The following FARS2 variants were observed in gnomAD, a reference collection of about 807,000 sequenced individuals.
FARS2 encodes the protein phenylalanyl-tRNA synthetase 2, mitochondrial.
In FARS2, 40 loss-of-function variants were observed where a neutral mutation model predicts 46.4. The observed-to-expected ratio is 0.86, with a 90% CI of 0.67 to 1.12. The LOEUF (loss-of-function observed/expected upper bound fraction) is 1.12, where lower values mean the gene tolerates loss of function less well. Ranked by LOEUF, FARS2 falls within the 50% of genes most tolerant of loss-of-function variation. The probability of loss-of-function intolerance (pLI) is 0.00; values close to 1 mark genes in which losing one functional copy is unlikely to be tolerated. For missense variants in FARS2, 513 were observed against 567.9 expected (o/e 0.90, Z 0.98); for synonymous variants, 234 against 214.9 (o/e 1.09, Z -0.78).
chr6:5,581,348 G>A (rs1773316446), intron 5 of FARS2, among the ~76,000 whole-genome samples: 1 of 152,214 alleles, frequency 6.6e-6, no homozygotes, highest in South Asian at 2.1e-4. Context: ...GTCGGCCATC[G>A]TGGGCAGGAA....
chr6:5,282,955 G>A (rs1011396923), intron 1 of FARS2, among the ~76,000 whole-genome samples: 4 of 152,132 alleles, frequency 2.6e-5, no homozygotes, highest in African/African-American at 7.2e-5. Context: ...AACATTCAAG[G>A]GCCAGGCACG....
intron 1 of FARS2, among the ~76,000 whole-genome samples, chr6:5,316,012 T>C (rs1372848629): frequency 2.0e-5 from 3 of 152,222 alleles, no homozygotes; most frequent in Non-Finnish European, 4.4e-5. Context: ...TATGGAGAGG[T>C]ATGCCGATGC....
chr6:5,379,544 C>T (rs1197429238), intron 2 of FARS2, among the ~76,000 whole-genome samples: 3 of 152,198 alleles, frequency 2.0e-5, no homozygotes, highest in African/African-American at 7.2e-5. Context: ...CCCCTTCCTC[C>T]TTCCCGCAGC....
intron 4 of FARS2, among the ~76,000 whole-genome samples, chr6:5,476,110 C>A (rs1316251502): frequency 6.6e-6 from 1 of 152,154 alleles, no homozygotes; most frequent in East Asian, 1.9e-4. Flanking sequence ...CCTCTTCCTT[C>A]CCTCCAAGTT....
At chr6:5,271,560 GT>G (rs59053657) in intron 1 of FARS2, among the ~76,000 whole-genome samples, 12 of 108,684 alleles carry the variant, frequency 1.1e-4, no homozygotes, top group South Asian at 2.9e-4. Flanking sequence ...GACTATGTCT[GT>G]TTTTTTTTTT....
At chr6:5,320,687 T>G (rs1042892925) in intron 1 of FARS2, among the ~76,000 whole-genome samples, 32 of 152,252 alleles carry the variant, frequency 2.1e-4, no homozygotes, top group Admixed American at 1.7e-3. Flanking sequence ...TCTAAGACTT[T>G]AGTTTTCAGT....
At chr6:5,417,490 C>T (rs537334042) in intron 3 of FARS2, among the ~76,000 whole-genome samples, 1 of 152,238 alleles carries the variant, frequency 6.6e-6, no homozygotes, top group African/African-American at 2.4e-5. Flanking sequence ...GCCTCCCAGA[C>T]TGCTGGGATT....
intron 6 of FARS2, among the ~76,000 whole-genome samples, chr6:5,651,995 G>T (rs1459290847): frequency 6.6e-6 from 1 of 152,108 alleles, no homozygotes; most frequent in East Asian, 1.9e-4. Flanking sequence ...CAGAGAAGAA[G>T]TCATCTTAGT....
chr6:5,747,059 C>T (rs912429228), intron 6 of FARS2, among the ~76,000 whole-genome samples: 6 of 152,246 alleles, frequency 3.9e-5, no homozygotes, highest in Admixed American at 6.5e-5. Context: ...GAGGGAGCAG[C>T]GGTTGCAAAG....
At chr6:5,545,732 A>G (rs1280896563) in intron 5 of FARS2, among the ~76,000 whole-genome samples, 2 of 152,144 alleles carry the variant, frequency 1.3e-5, no homozygotes, top group African/African-American at 4.8e-5. Flanking sequence ...TTTCTCTGTT[A>G]GTTTGCTGAG....
chr6:5,697,640 A>C (rs1758183200), intron 6 of FARS2, among the ~76,000 whole-genome samples: 1 of 152,272 alleles, frequency 6.6e-6, no homozygotes, highest in Non-Finnish European at 1.5e-5. Context: ...TTCAACAAAC[A>C]AAGGCAAAAT....
At chr6:5,339,814 A>G (rs1771427090) in intron 1 of FARS2, among the ~76,000 whole-genome samples, 1 of 152,190 alleles carries the variant, frequency 6.6e-6, no homozygotes, top group Admixed American at 6.5e-5. Flanking sequence ...GAAGTACATT[A>G]ATCTCTGTTG....
intron 3 of FARS2, among the ~76,000 whole-genome samples, chr6:5,409,943 G>A (rs1316462725): frequency 6.6e-6 from 1 of 152,110 alleles, no homozygotes; most frequent in Non-Finnish European, 1.5e-5. Flanking sequence ...CCGCTGTATT[G>A]CCTCTCAGGG....
intron 6 of FARS2, among the ~76,000 whole-genome samples, chr6:5,709,738 G>GTT (rs1759017760): frequency 6.6e-6 from 1 of 150,486 alleles, no homozygotes; most frequent in African/African-American, 2.5e-5. Context: ...GGTTGTGTGT[G>GTT]TGTGTGTGCG....
Position 5,666,366 on chromosome 6 carries a change from G to A in FARS2, c.1217+53046G>A, listed in dbSNP as rs138520938. On this transcript the variant is annotated intron_variant, in intron 6 of 6. Coordinates refer to ENST00000274680, the MANE Select transcript of FARS2 (RefSeq NM_006567.5). ...GGCCACTGCAGGTCCCTGAATTTGC[G>A]TTGAGTTGAAAGAAATGCCACCAAC... 2.0e-3 allele frequency among the ~76,000 whole-genome samples: 298 copies of A among 152,250 alleles called. 2 individuals carry two copies. The highest frequency in any genetic ancestry group is 5.8e-3 in the African/African-American group (241 of 41,530).
At chr6:5,723,855 C>G (rs1760072234) in intron 6 of FARS2, among the ~76,000 whole-genome samples, 1 of 152,226 alleles carries the variant, frequency 6.6e-6, no homozygotes, top group African/African-American at 2.4e-5. Flanking sequence ...TTGGGCCAAA[C>G]TGTGCCTTGA....
intron 5 of FARS2, among the ~76,000 whole-genome samples, chr6:5,567,810 G>C (rs1365523879): frequency 6.6e-6 from 1 of 152,248 alleles, no homozygotes; most frequent in Non-Finnish European, 1.5e-5. Flanking sequence ...GAATTATTTA[G>C]CTAGTCGCTA....
At chr6:5,745,077 A>C (rs1052090554) in intron 6 of FARS2, among the ~76,000 whole-genome samples, 1 of 152,246 alleles carries the variant, frequency 6.6e-6, no homozygotes, top group African/African-American at 2.4e-5. Context: ...ATATACCCAC[A>C]AAATGCTATC....
At chr6:5,653,819 G>T (rs576614390) in intron 6 of FARS2, among the ~76,000 whole-genome samples, 1 of 152,338 alleles carries the variant, frequency 6.6e-6, no homozygotes, top group African/African-American at 2.4e-5. Flanking sequence ...ATGGAGTGCA[G>T]GGAAGAGAAT....
Sources: gnomAD v4.1 joint callset for allele counts (sites outside exome capture counted in the v4.1 genomes callset) on GRCh38, gnomAD v4.1.1 for gene constraint, MANE v1.5 for transcripts, NCBI Gene and HGNC (gene_info 2026-07-23, HGNC 2026-07-21) for gene names.